Variants in OR2C1 observed in about 807,000 individuals in gnomAD.
OR2C1 encodes olfactory receptor family 2 subfamily C member 1.
For missense variants in OR2C1, 468 were observed against 388.3 expected (o/e 1.21, Z -1.73); for synonymous variants, 209 against 167.3 (o/e 1.25, Z -1.92).
At chr16:3,329,211 CACAG>C in the OR2C1 span, among the ~76,000 whole-genome samples, 20 of 150,746 alleles carry the variant, frequency 1.3e-4, no homozygotes, top group African/African-American at 4.4e-4. Flanking sequence ...CACACACACA[CACAG>C]CTTAGCTATG....
chr16:3,326,781 G>A, the OR2C1 span, among the ~76,000 whole-genome samples: 1 of 152,220 alleles, frequency 6.6e-6, no homozygotes, highest in Non-Finnish European at 1.5e-5. Flanking sequence ...GCTGGATGAC[G>A]CATGTAACCC....
chr16:3,323,696 C>T, the OR2C1 span: 2 of 683,296 alleles, frequency 2.9e-6, no homozygotes, highest in African/African-American at 1.8e-5. Flanking sequence ...TTCCAAGGCA[C>T]GAGGTTTCAT....
the OR2C1 span, chr16:3,323,654 A>G: frequency 2.8e-6 from 2 of 706,686 alleles, no homozygotes; most frequent in South Asian, 3.0e-5. Context: ...TTTGCTGCAT[A>G]CAACAAAGGC....
At chr16:3,327,108 C>G in the OR2C1 span, among the ~76,000 whole-genome samples, 1 of 151,986 alleles carries the variant, frequency 6.6e-6, no homozygotes, top group South Asian at 2.1e-4. Context: ...TATATGTACC[C>G]ACTTAGAGGT....
At chr16:3,323,324 C>A in the OR2C1 span, 1 of 1,099,548 alleles carries the variant, frequency 9.1e-7, no homozygotes, top group African/African-American at 1.5e-5. Context: ...ACCATGAGAT[C>A]TCCTGGAAAT....
chr16:3,340,086 C>T, the OR2C1 span, among the ~76,000 whole-genome samples: 1 of 152,020 alleles, frequency 6.6e-6, no homozygotes, highest in Non-Finnish European at 1.5e-5. Context: ...CGAGACCAAC[C>T]TGGCCAACAT....
chr16:3,342,286 C>G, the OR2C1 span, among the ~76,000 whole-genome samples: 2 of 152,104 alleles, frequency 1.3e-5, no homozygotes, highest in Admixed American at 6.6e-5. Context: ...CACAAACCAA[C>G]ATTAAGACAG....
At chr16:3,339,608 C>T in the OR2C1 span, among the ~76,000 whole-genome samples, 1 of 152,086 alleles carries the variant, frequency 6.6e-6, no homozygotes, top group African/African-American at 2.4e-5. Flanking sequence ...AGACGCCCAC[C>T]ACTATGCCCG....
the OR2C1 span, among the ~76,000 whole-genome samples, chr16:3,349,568 G>A: frequency 6.6e-6 from 1 of 152,130 alleles, no homozygotes; most frequent in African/African-American, 2.4e-5. Context: ...GGATGGATGT[G>A]GGGGAATCTC....
At chr16:3,327,988 A>G in the OR2C1 span, among the ~76,000 whole-genome samples, 4 of 152,184 alleles carry the variant, frequency 2.6e-5, no homozygotes, top group African/African-American at 9.7e-5. Flanking sequence ...GTAACTTCTA[A>G]GAAGAAAAAT....
At chr16:3,338,598 C>CA in the OR2C1 span, among the ~76,000 whole-genome samples, 2 of 129,660 alleles carry the variant, frequency 1.5e-5, no homozygotes, top group African/African-American at 5.9e-5. Flanking sequence ...AGTGCAGTGG[C>CA]GCGCTCTCGG....
rs755161171 is a variant in OR2C1 at position 3,356,414 on chromosome 16, C to G, written c.474C>G (p.Ile158Met). Residue 158 changes from isoleucine (I) to methionine (M), a missense_variant, in exon 1 of 1, where the codon ATC (isoleucine) becomes ATG (methionine). Ile to Met is a conservative substitution (Grantham distance 10). Coordinates refer to ENST00000304936, the MANE Select transcript of OR2C1 (RefSeq NM_012368.3). Reference sequence around the variant, plus strand: ...TGGGTGGCTTGGGCAACTCTGTGATCCAGTCAACATTCACTCTGCAGCTCC... The same window carrying G: ...TGGGTGGCTTGGGCAACTCTGTGATGCAGTCAACATTCACTCTGCAGCTCC... ...ACLGGLGNSVIQSTFTLQLPL... is the reference protein window; with the variant it reads ...ACLGGLGNSVMQSTFTLQLPL... 16 of 1,613,740 alleles carry G rather than the reference C, an allele frequency of 9.9e-6. No homozygotes were observed. The highest frequency in any genetic ancestry group is 8.0e-5 in the African/African-American group (6 of 74,928).
At chr16:3,325,460 AATATATATATATATAT>A in the OR2C1 span, among the ~76,000 whole-genome samples, 8,950 of 92,996 alleles carry the variant, frequency 0.096, 466 homozygotes, top group Non-Finnish European at 0.13. Flanking sequence ...TATGTCTAAA[AATATATATATATATAT>A]ATATATATAT....
At chr16:3,328,641 G>T in the OR2C1 span, among the ~76,000 whole-genome samples, 5 of 152,142 alleles carry the variant, frequency 3.3e-5, no homozygotes, top group Non-Finnish European at 7.4e-5. Context: ...TAGGAAATTG[G>T]CTCCCCTTTG....
chr16:3,327,099 A>T, the OR2C1 span, among the ~76,000 whole-genome samples: 2 of 152,294 alleles, frequency 1.3e-5, no homozygotes, highest in East Asian at 1.9e-4. Flanking sequence ...CAATCCTTTT[A>T]TATGTACCCA....
At chr16:3,329,489 G>A in the OR2C1 span, among the ~76,000 whole-genome samples, 3 of 151,912 alleles carry the variant, frequency 2.0e-5, no homozygotes, top group South Asian at 4.2e-4. Context: ...TCGCTCTGTC[G>A]CCCAGGCTGG....
chr16:3,352,230 C>T (rs1425277852), upstream of OR2C1, among the ~76,000 whole-genome samples: 1 of 152,088 alleles, frequency 6.6e-6, no homozygotes, highest in Admixed American at 6.6e-5. Flanking sequence ...CATTCTCCTG[C>T]CTCAGCCTCC....
chr16:3,356,736 A>G lies in OR2C1; in HGVS notation c.796A>G (p.Ser266Gly). The change falls in exon 1 of 1, where the codon AGC becomes GGC. Residue 266 changes from serine (S) to glycine (G), a missense_variant. By Grantham distance (56) the Ser-to-Gly change is moderately conservative. Coordinates refer to ENST00000304936, the MANE Select transcript of OR2C1 (RefSeq NM_012368.3). ...SYGYLLPAKNSKQDQGKFISL... is the reference protein window; with the variant it reads ...SYGYLLPAKNGKQDQGKFISL... ...TGGGTATCTGCTTCCGGCCAAGAACAGCAAACAGGACCAGGGCAAGTTCAT... is the reference window on the plus strand; with the variant it reads ...TGGGTATCTGCTTCCGGCCAAGAACGGCAAACAGGACCAGGGCAAGTTCAT... 1 of 1,613,936 alleles carries G rather than the reference A, an allele frequency of 6.2e-7. No individual in the cohort carries two copies. The highest frequency in any genetic ancestry group is 8.5e-7 in the Non-Finnish European group (1 of 1,179,890).
At chr16:3,345,530 T>C in the OR2C1 span, among the ~76,000 whole-genome samples, 35,309 of 151,630 alleles carry the variant, frequency 0.23, 4,229 homozygotes, top group Non-Finnish European at 0.26. Flanking sequence ...TATGGCACTA[T>C]ATGTTTTACA....
Sources: allele counts gnomAD v4.1 joint callset (sites outside exome capture counted in the v4.1 genomes callset), GRCh38; gene constraint gnomAD v4.1.1; transcripts MANE v1.5; gene names NCBI Gene and HGNC (gene_info 2026-07-23, HGNC 2026-07-21).